Variants in ANO3 observed in about 807,000 individuals in gnomAD.
The protein encoded by ANO3 is anoctamin-3.
In ANO3, 99 loss-of-function variants were observed where a neutral mutation model predicts 144.8. That is an observed-to-expected ratio of 0.68 (90% CI 0.58 to 0.81). The LOEUF (loss-of-function observed/expected upper bound fraction) is 0.81. ANO3 is among the 30% of genes least tolerant of loss of function. The pLI, the probability that ANO3 is intolerant of heterozygous loss-of-function variation, is 0.00. For synonymous variants in ANO3, 414 were observed against 392.6 expected (o/e 1.05, Z -0.64); for missense variants, 905 against 1,202.2 (o/e 0.75, Z 3.66).
intron 4 of ANO3, among the ~76,000 whole-genome samples, chr11:26,493,477 A>G (rs909876819): frequency 4.6e-5 from 7 of 152,322 alleles, no homozygotes; most frequent in African/African-American, 1.4e-4. Context: ...TTGGCCTCCA[A>G]ATAAGGGTGC....
chr11:26,496,791 C>CT (rs2134116164), intron 4 of ANO3, among the ~76,000 whole-genome samples: 1 of 152,098 alleles, frequency 6.6e-6, no homozygotes, highest in South Asian at 2.1e-4. Context: ...CTTTCTGTTT[C>CT]TGAGTCATTT....
intron 1 of ANO3, among the ~76,000 whole-genome samples, chr11:26,441,122 T>G (rs1565026398): frequency 1.6e-5 from 2 of 124,050 alleles, no homozygotes; most frequent in African/African-American, 6.4e-5. Flanking sequence ...TTTTTTTTTT[T>G]TTTTTTTTTT....
intron 1 of ANO3, among the ~76,000 whole-genome samples, chr11:26,376,198 A>G (rs1856401375): frequency 6.6e-6 from 1 of 152,148 alleles, no homozygotes; most frequent in African/African-American, 2.4e-5. Flanking sequence ...AAATAATTAT[A>G]CACATCCATA....
At chr11:26,298,399 AT>A (rs143979173) in intron 1 of ANO3, among the ~76,000 whole-genome samples, 3 of 152,042 alleles carry the variant, frequency 2.0e-5, no homozygotes. Flanking sequence ...TATAAACTAG[AT>A]TTTTTTCCAC....
intron 14 of ANO3, among the ~76,000 whole-genome samples, chr11:26,570,327 A>G (rs912049079): frequency 3.9e-5 from 6 of 151,992 alleles, no homozygotes; most frequent in Non-Finnish European, 5.9e-5. Flanking sequence ...AACAAAAAAC[A>G]CCTCTGGCCA....
Position 26,647,821 on chromosome 11 carries a change from T to C in ANO3, c.2541T>C (p.Tyr847=), listed in dbSNP as rs957822825. ...YIPRFVYEYK[Y]GPCANHVEPS... is the part of the protein sequence containing the mutation. ...CACGTTTTGTTTATGAATACAAATA[T>C]GGCCCCTGTGCAAATCATGTAGAAC... is the stretch of plus-strand genomic sequence containing the variant. Residue 847 remains tyrosine (Y), a synonymous_variant, in exon 24 of 27, where the codon TAT becomes TAC. Coordinates refer to ENST00000256737, the MANE Select transcript of ANO3 (RefSeq NM_031418.4). 5.6e-6 allele frequency: 9 copies of C among 1,613,450 alleles called. No homozygotes were observed. Among genetic ancestry groups the C allele is most frequent in the Non-Finnish European group, 7.6e-6 (9 of 1,179,662 alleles).
chr11:26,528,457 A>G (rs973980320), intron 7 of ANO3, among the ~76,000 whole-genome samples: 4 of 152,202 alleles, frequency 2.6e-5, no homozygotes, highest in East Asian at 1.9e-4. Context: ...TGATGGTCTG[A>G]AAACCCTTTT....
intron 17 of ANO3, among the ~76,000 whole-genome samples, chr11:26,608,502 C>T (rs981062154): frequency 6.6e-6 from 1 of 152,106 alleles, no homozygotes; most frequent in Admixed American, 6.5e-5. Flanking sequence ...AGGGGAAACC[C>T]AGTCTTCTCG....
intron 1 of ANO3, among the ~76,000 whole-genome samples, chr11:26,397,877 T>TA (rs1297087468): frequency 6.6e-6 from 1 of 151,478 alleles, no homozygotes; most frequent in African/African-American, 2.4e-5. Context: ...CAGTAAGAAT[T>TA]TTTTTTGTCC....
chr11:26,488,640 G>A (rs1860567725), intron 4 of ANO3, among the ~76,000 whole-genome samples: 1 of 152,066 alleles, frequency 6.6e-6, no homozygotes, highest in South Asian at 2.1e-4. Flanking sequence ...TCGTGCATCT[G>A]GAGTTGGGTG....
At chr11:26,499,312 C>CT (rs567305124) in intron 4 of ANO3, among the ~76,000 whole-genome samples, 38 of 150,576 alleles carry the variant, frequency 2.5e-4, no homozygotes, top group East Asian at 5.8e-4. Context: ...CATGTACCAG[C>CT]TTTTTTTTTA....
At chr11:26,591,198 T>C (rs1189172018) in intron 14 of ANO3, among the ~76,000 whole-genome samples, 2 of 152,152 alleles carry the variant, frequency 1.3e-5, no homozygotes, top group Admixed American at 1.3e-4. Context: ...CAGCTAGTAC[T>C]GCCTCTCAGT....
chr11:26,284,274 T>C (rs1430657464), intron 1 of ANO3, among the ~76,000 whole-genome samples: 1 of 152,070 alleles, frequency 6.6e-6, no homozygotes, highest in Non-Finnish European at 1.5e-5. Context: ...GTGATGGTGG[T>C]TTGGGCCAGA....
At chr11:26,497,363 A>G (rs764376946) in intron 4 of ANO3, among the ~76,000 whole-genome samples, 2 of 151,928 alleles carry the variant, frequency 1.3e-5, no homozygotes, top group Non-Finnish European at 2.9e-5. Flanking sequence ...TTTCTTTTCT[A>G]TTGGGTAGTT....
intron 1 of ANO3, among the ~76,000 whole-genome samples, chr11:26,406,443 C>T (rs931815364): frequency 6.6e-6 from 1 of 151,836 alleles, no homozygotes; most frequent in Non-Finnish European, 1.5e-5. Flanking sequence ...CAACTTTTAA[C>T]AATTTCACTG....
chr11:26,358,395 C>T (rs2349813), intron 1 of ANO3, among the ~76,000 whole-genome samples: 144,764 of 152,142 alleles, frequency 0.95, 69,264 homozygotes, highest in Non-Finnish European at 1. Context: ...TGGCCTTGAT[C>T]TCTTGACCTC....
intron 1 of ANO3, among the ~76,000 whole-genome samples, chr11:26,259,927 G>C (rs1444059112): frequency 1.3e-5 from 2 of 152,040 alleles, no homozygotes; most frequent in African/African-American, 4.8e-5. Flanking sequence ...CTGGCATCTG[G>C]AACAGGGCAA....
At chr11:26,317,287 T>G (rs1854647603) in intron 1 of ANO3, among the ~76,000 whole-genome samples, 1 of 151,556 alleles carries the variant, frequency 6.6e-6, no homozygotes, top group Admixed American at 6.6e-5. Context: ...AAATGTATAT[T>G]AAGAGCTGGC....
intron 1 of ANO3, among the ~76,000 whole-genome samples, chr11:26,319,465 G>T (rs1443632204): frequency 6.6e-6 from 1 of 152,026 alleles, no homozygotes; most frequent in Non-Finnish European, 1.5e-5. Flanking sequence ...TATATCGTTG[G>T]GTATTAATTT....
Sources: gnomAD v4.1 joint callset for allele counts (sites outside exome capture counted in the v4.1 genomes callset) on GRCh38, gnomAD v4.1.1 for gene constraint, MANE v1.5 for transcripts, NCBI Gene and HGNC (gene_info 2026-07-23, HGNC 2026-07-21) for gene names.